The following FHIT variants were observed in gnomAD, a reference collection of about 807,000 sequenced individuals.
FHIT encodes the protein fragile histidine triad diadenosine triphosphatase.
FHIT carries 19 observed loss-of-function variants against 17.9 expected under a neutral mutation model. The ratio of observed to expected loss-of-function variants is 1.06; its 90% CI spans 0.74 to 1.56. FHIT has a LOEUF of 1.56. Ranked by LOEUF, FHIT falls within the 40% of genes most tolerant of loss-of-function variation. The pLI, the probability that FHIT is intolerant of heterozygous loss-of-function variation, is 0.00. For missense variants in FHIT, 248 were observed against 189.2 expected, an observed-to-expected ratio of 1.31 and a Z score of -1.82; for synonymous variants, 81 against 69.7, an observed-to-expected ratio of 1.16 and a Z score of -0.81.
intron 8 of FHIT, among the ~76,000 whole-genome samples, chr3:59,754,981 CTGGGGCAGCCTGGGTT>C (rs1701133483): frequency 6.6e-6 from 1 of 151,746 alleles, no homozygotes; most frequent in Non-Finnish European, 1.5e-5. Flanking sequence ...TTTAATTGGT[CTGGGGCAGCCTGGGTT>C]TGGGGATTTA....
At position 61,142,485 on chromosome 3, in the gene FHIT, C is replaced by G. The variant is rs558868632; in HGVS notation, c.-164+58132G>C. 1.6e-4 allele frequency among the ~76,000 whole-genome samples: 23 copies of G among 144,508 alleles called. No homozygotes were observed. In the South Asian group the frequency reaches 4.9e-3, roughly 31 times the overall value. The allele number at this position is 144,508 out of a possible 152,430, so 94.8% of individuals were successfully genotyped here. A position where few individuals can be genotyped will look rare whatever the true frequency, so the allele number is the denominator to read the frequency against. The stretch of plus-strand genomic sequence containing the variant: ...AAAGATACCAGGGTTCTACTTTAGA[C>G]TGCTAACCTGCTGTGATCACCTTAC... On this transcript the variant is annotated intron_variant, in intron 2 of 9. Transcript: ENST00000492590.
At chr3:60,705,748 TA>T (rs1483361838) in intron 4 of FHIT, among the ~76,000 whole-genome samples, 1 of 152,134 alleles carries the variant, frequency 6.6e-6, no homozygotes. Context: ...GAACGGAGTC[TA>T]AACATTCTAC....
chr3:59,894,231 T>TGAGA (rs1396253718), intron 8 of FHIT, among the ~76,000 whole-genome samples: 1 of 152,154 alleles, frequency 6.6e-6, no homozygotes, highest in Non-Finnish European at 1.5e-5. Flanking sequence ...GGCAACAAAG[T>TGAGA]GAGACCCTTT....
chr3:60,835,535 C>T (rs2594131), intron 3 of FHIT, among the ~76,000 whole-genome samples: 149,124 of 152,318 alleles, frequency 0.98, 73,089 homozygotes, highest in East Asian at 1. Flanking sequence ...ATTGCTAGTA[C>T]AAAGAAATAC....
intron 5 of FHIT, among the ~76,000 whole-genome samples, chr3:60,169,519 A>G (rs1437984589): frequency 6.6e-6 from 1 of 152,238 alleles, no homozygotes; most frequent in Non-Finnish European, 1.5e-5. Context: ...CAAATTATAT[A>G]AGTCAAAGTG....
intron 5 of FHIT, among the ~76,000 whole-genome samples, chr3:60,050,389 G>T (rs533220172): frequency 2.6e-5 from 4 of 152,116 alleles, no homozygotes; most frequent in African/African-American, 7.2e-5. Context: ...TTGGTTTATA[G>T]TTTCGCCTTC....
intron 4 of FHIT, among the ~76,000 whole-genome samples, chr3:60,748,365 G>C (rs1553715923): frequency 1.3e-5 from 2 of 152,146 alleles, no homozygotes; most frequent in East Asian, 1.9e-4. Flanking sequence ...TCAATAAATG[G>C]TTAAAGTTAG....
At chr3:60,239,083 T>C (rs937320450) in intron 5 of FHIT, among the ~76,000 whole-genome samples, 1 of 152,198 alleles carries the variant, frequency 6.6e-6, no homozygotes, top group African/African-American at 2.4e-5. Context: ...TGAGTATTTG[T>C]GAGCAAAAGG....
chr3:59,760,085 A>C (rs1400554087), intron 8 of FHIT, among the ~76,000 whole-genome samples: 1 of 152,214 alleles, frequency 6.6e-6, no homozygotes, highest in Non-Finnish European at 1.5e-5. Flanking sequence ...CAGAAATTCA[A>C]GTAATCAATG....
intron 5 of FHIT, among the ~76,000 whole-genome samples, chr3:60,244,114 T>G (rs926219595): frequency 6.6e-6 from 1 of 152,104 alleles, no homozygotes; most frequent in Non-Finnish European, 1.5e-5. Flanking sequence ...GTGGCTTTTC[T>G]GATCACAGCA....
At chr3:60,489,757 C>T (rs1011598136) in intron 5 of FHIT, among the ~76,000 whole-genome samples, 3 of 152,154 alleles carry the variant, frequency 2.0e-5, no homozygotes, top group African/African-American at 7.2e-5. Context: ...ATTAGGCTCA[C>T]CCTAATGTCT....
At chr3:59,868,767 G>A (rs929240700) in intron 8 of FHIT, among the ~76,000 whole-genome samples, 1 of 152,186 alleles carries the variant, frequency 6.6e-6, no homozygotes, top group African/African-American at 2.4e-5. Context: ...GGCTGGAGGA[G>A]GAAGTAGATG....
At chr3:59,974,320 T>C (rs556029125) in intron 7 of FHIT, among the ~76,000 whole-genome samples, 3 of 152,300 alleles carry the variant, frequency 2.0e-5, no homozygotes, top group African/African-American at 7.2e-5. Context: ...TCCAGGAGTC[T>C]TATTTTCCAA....
At chr3:61,196,710 A>G (rs1426038352) in intron 2 of FHIT, among the ~76,000 whole-genome samples, 1 of 152,196 alleles carries the variant, frequency 6.6e-6, no homozygotes, top group Non-Finnish European at 1.5e-5. Flanking sequence ...AATTCCATTA[A>G]CACTCCAGAC....
In FHIT at chr3:60,938,874, T is replaced by C. The variant is rs138208119; in HGVS notation, c.-111+103173A>G. Among the ~76,000 whole-genome samples, 619 of 152,354 alleles carry C rather than the reference T, an allele frequency of 4.1e-3. 3 individuals are homozygous for C. Among genetic ancestry groups the C allele is most frequent in the African/African-American group, 0.014 (581 of 41,592 alleles). Reference sequence around the variant, plus strand: ...GAATGGGAAAGCCTTTCTTTCGTTCTAAAAACCCTGCATCATTTTTCTCAT... The same window carrying C: ...GAATGGGAAAGCCTTTCTTTCGTTCCAAAAACCCTGCATCATTTTTCTCAT... On this transcript the variant is annotated intron_variant, in intron 3 of 9. Transcript: ENST00000492590.
chr3:60,746,934 C>T (rs1553715483), intron 4 of FHIT, among the ~76,000 whole-genome samples: 1 of 152,108 alleles, frequency 6.6e-6, no homozygotes, highest in South Asian at 2.1e-4. Flanking sequence ...GAACCATGTA[C>T]ATTCACTATT....
intron 2 of FHIT, among the ~76,000 whole-genome samples, chr3:61,133,114 TA>T (rs1257309527): frequency 1.3e-5 from 2 of 152,240 alleles, no homozygotes; most frequent in African/African-American, 4.8e-5. Flanking sequence ...TGCCACTTTC[TA>T]AAGGAAGACG....
At chr3:60,306,774 T>C (rs915066099) in intron 5 of FHIT, among the ~76,000 whole-genome samples, 13 of 152,186 alleles carry the variant, frequency 8.5e-5, no homozygotes, top group Non-Finnish European at 1.2e-4. Flanking sequence ...TTTAAGGGAA[T>C]GTGTAGAAGG....
chr3:60,585,453 A>G (rs1559559050), intron 4 of FHIT, among the ~76,000 whole-genome samples: 3 of 152,038 alleles, frequency 2.0e-5, no homozygotes, highest in Non-Finnish European at 1.5e-5. Flanking sequence ...TTATTTATTC[A>G]TAGACTCACA....
Sources: allele counts gnomAD v4.1 joint callset (sites outside exome capture counted in the v4.1 genomes callset), GRCh38; gene constraint gnomAD v4.1.1; transcripts MANE v1.5; gene names NCBI Gene and HGNC (gene_info 2026-07-23, HGNC 2026-07-21).